Variants in PCDHGB3 observed in about 807,000 individuals in gnomAD.
The protein encoded by PCDHGB3 is protocadherin gamma subfamily B, 3.
A neutral mutation model predicts 59.2 loss-of-function variants in PCDHGB3; 40 were observed. The ratio of observed to expected loss-of-function variants is 0.68; its 90% CI spans 0.52 to 0.88. The LOEUF (loss-of-function observed/expected upper bound fraction) is 0.88, where lower values mean the gene tolerates loss of function less well. PCDHGB3 is among the 40% of genes least tolerant of loss of function. PCDHGB3 has a pLI of 0.00. For synonymous variants in PCDHGB3, 581 were observed against 503.6 expected (o/e 1.15, Z -2.06); for missense variants, 1,309 against 1,187.9 (o/e 1.10, Z -1.50).
rs578223384 is a variant in PCDHGB3 at position 141,400,070 on chromosome 5, C to T, written c.2415+27261C>T. Reference sequence around the variant, plus strand: ...GTTGCTGTGCGTGATGGTGGACAGCCGCCACTCTCCGCCACCGCCACGCTG... The same window carrying T: ...GTTGCTGTGCGTGATGGTGGACAGCTGCCACTCTCCGCCACCGCCACGCTG... On this transcript the variant is annotated intron_variant, in intron 1 of 3. Coordinates refer to ENST00000576222, the MANE Select transcript of PCDHGB3 (RefSeq NM_018924.5). 1.2e-6 allele frequency: 2 copies of T among 1,613,922 alleles called. No individual in the cohort carries two copies. Among genetic ancestry groups the T allele is most frequent in the African/African-American group, 1.3e-5 (1 of 75,062 alleles).
intron 1 of PCDHGB3, chr5:141,415,014 C>T (rs747951360): frequency 1.2e-6 from 2 of 1,613,620 alleles, no homozygotes; most frequent in Non-Finnish European, 1.7e-6. Context: ...ACCGTCTGCT[C>T]AAGGCCAGCG....
At chr5:141,397,254 A>G (rs961705126) in intron 1 of PCDHGB3, among the ~76,000 whole-genome samples, 12 of 152,184 alleles carry the variant, frequency 7.9e-5, no homozygotes, top group Non-Finnish European at 1.3e-4. Flanking sequence ...AGGGTATATC[A>G]TTTCTTAGCT....
chr5:141,457,944 C>A (rs761151349), intron 1 of PCDHGB3, among the ~76,000 whole-genome samples: 33 of 152,310 alleles, frequency 2.2e-4, no homozygotes, highest in Non-Finnish European at 4.6e-4. Context: ...ATTGGCTCTG[C>A]ATGTCAAGCT....
chr5:141,486,816 C>G lies in PCDHGB3; in HGVS notation c.2416-7991C>G. The G allele has an allele frequency of 6.2e-7, 1 of 1,614,252 alleles. No individual in the cohort carries two copies. Among genetic ancestry groups the G allele is most frequent in the East Asian group, 2.2e-5 (1 of 44,884 alleles). ...CGGGGCAACCCACCCCTTAGCAGCACTGTAACAGTTCGTCTATTTGTGCTG... is the reference window on the plus strand; with the variant it reads ...CGGGGCAACCCACCCCTTAGCAGCAGTGTAACAGTTCGTCTATTTGTGCTG... On this transcript the variant is annotated intron_variant, in intron 1 of 3. Coordinates refer to ENST00000576222, the MANE Select transcript of PCDHGB3 (RefSeq NM_018924.5). The surrounding 1 kb of genome is among the most constrained non-coding windows in gnomAD (Gnocchi z 5.0).
At chr5:141,415,655 T>C (rs780357843) in intron 1 of PCDHGB3, 50 of 1,586,718 alleles carry the variant, frequency 3.2e-5, no homozygotes, top group Non-Finnish European at 4.0e-5. Flanking sequence ...AAAAAAAAGA[T>C]TGGTTTTTAC....
Position 141,432,220 on chromosome 5 carries a change from C to T in PCDHGB3, c.2415+59411C>T. The T allele has an allele frequency of 6.2e-7, 1 of 1,614,246 alleles. No homozygotes were observed. Among genetic ancestry groups the T allele is most frequent in the Non-Finnish European group, 8.5e-7 (1 of 1,180,040 alleles). Reference sequence around the variant, plus strand: ...CCGACTGTGAAGAGAACGCCCAGATCACTTATTCCCTGGCTGAGAACACCA... The same window carrying T: ...CCGACTGTGAAGAGAACGCCCAGATTACTTATTCCCTGGCTGAGAACACCA... On this transcript the variant is annotated intron_variant, in intron 1 of 3. Coordinates refer to ENST00000576222, the MANE Select transcript of PCDHGB3 (RefSeq NM_018924.5). The surrounding 1 kb of genome is among the most constrained non-coding windows in gnomAD (Gnocchi z 6.0).
chr5:141,421,885 G>A (rs2096608692), intron 1 of PCDHGB3: 1 of 1,613,574 alleles, frequency 6.2e-7, no homozygotes, highest in African/African-American at 1.3e-5. Context: ...AGATGGAGGC[G>A]ATCCCATCCG....
intron 1 of PCDHGB3, among the ~76,000 whole-genome samples, chr5:141,451,727 C>A (rs2098722766): frequency 6.6e-6 from 1 of 152,014 alleles, no homozygotes; most frequent in Admixed American, 6.6e-5. Flanking sequence ...ACTAAAAATA[C>A]AAAAATTAGC....
At chr5:141,380,806 A>G (rs1175015074) in intron 1 of PCDHGB3, among the ~76,000 whole-genome samples, 1 of 152,258 alleles carries the variant, frequency 6.6e-6, no homozygotes, top group Non-Finnish European at 1.5e-5. Context: ...AACAAATGTG[A>G]GATGAAACTA....
At position 141,486,882 on chromosome 5, in the gene PCDHGB3, C is replaced by T; in HGVS notation, c.2416-7925C>T. The T allele has an allele frequency of 6.2e-7, 1 of 1,614,244 alleles. No individual in the cohort carries two copies. The highest frequency in any genetic ancestry group is 1.1e-5 in the South Asian group (1 of 91,086). On this transcript the variant is annotated intron_variant, in intron 1 of 3. Transcript: ENST00000576222. This position sits in a 1 kb window ranked among gnomAD's most constrained non-coding sequence, Gnocchi z 5.0. ...GCTCCAGCTGTGCTCCGTCCTCGGG[C>T]CCGGCCTGGTTCCTTATGTCCCCAA...
chr5:141,415,594 G>A (rs753362668), intron 1 of PCDHGB3: 1 of 1,613,866 alleles, frequency 6.2e-7, no homozygotes, highest in Non-Finnish European at 8.5e-7. Context: ...TCCTATAGAG[G>A]ATACCCCATT....
intron 1 of PCDHGB3, chr5:141,390,297 G>A (rs1313373310): frequency 6.2e-7 from 1 of 1,613,826 alleles, no homozygotes; most frequent in East Asian, 2.2e-5. Context: ...TTTCCTTTAA[G>A]TATAATTTAA....
chr5:141,476,554 G>A lies in PCDHGB3; in HGVS notation c.2416-18253G>A. On this transcript the variant is annotated intron_variant, in intron 1 of 3. Transcript: ENST00000576222. This position sits in a 1 kb window ranked among gnomAD's most constrained non-coding sequence, Gnocchi z 7.6. The stretch of plus-strand genomic sequence containing the variant: ...AGGAAATGAAATTGGAGATTAGCGA[G>A]GCCGTGGCTCCGGGGACGCGCTTTC... 1 of 1,614,232 alleles carries A rather than the reference G, an allele frequency of 6.2e-7. No individual in the cohort carries two copies. Among genetic ancestry groups the A allele is most frequent in the Non-Finnish European group, 8.5e-7 (1 of 1,180,036 alleles).
chr5:141,485,666 A>G lies in PCDHGB3; in HGVS notation c.2416-9141A>G. ...GGCTCAGGATGCAGATGTGGGGAGC[A>G]ATTCGATTAGCAGCTATAGGCTGAG... On this transcript the variant is annotated intron_variant, in intron 1 of 3. Coordinates refer to ENST00000576222, the MANE Select transcript of PCDHGB3 (RefSeq NM_018924.5). The surrounding 1 kb of genome is among the most constrained non-coding windows in gnomAD (Gnocchi z 5.7). 1 of 1,612,786 alleles carries G rather than the reference A, an allele frequency of 6.2e-7. No homozygotes were observed. Among genetic ancestry groups the G allele is most frequent in the Non-Finnish European group, 8.5e-7 (1 of 1,178,960 alleles).
Position 141,486,904 on chromosome 5 carries a change from C to G in PCDHGB3, c.2416-7903C>G. On this transcript the variant is annotated intron_variant, in intron 1 of 3. Transcript: ENST00000576222. This position sits in a 1 kb window ranked among gnomAD's most constrained non-coding sequence, Gnocchi z 5.0. The stretch of plus-strand genomic sequence containing the variant: ...GGGCCCGGCCTGGTTCCTTATGTCC[C>G]CAAGCACTGCCTCCATCAGTTGGTG... 6.2e-7 allele frequency: 1 copy of G among 1,614,226 alleles called. No individual in the cohort carries two copies. The highest frequency in any genetic ancestry group is 1.1e-5 in the South Asian group (1 of 91,080).
intron 1 of PCDHGB3, chr5:141,421,360 T>G (rs549572548): frequency 6.2e-7 from 1 of 1,613,980 alleles, no homozygotes; most frequent in African/African-American, 1.3e-5. Context: ...AAAGGGCTCC[T>G]TCGTGGGCAA....
intron 1 of PCDHGB3, chr5:141,418,372 A>G (rs771262387): frequency 3.1e-6 from 5 of 1,613,968 alleles, no homozygotes; most frequent in Non-Finnish European, 3.4e-6. Context: ...GCAAATACCA[A>G]CTAAGTCCTA....
chr5:141,394,009 GTAA>G, intron 1 of PCDHGB3: 1 of 1,613,394 alleles, frequency 6.2e-7, no homozygotes, highest in Non-Finnish European at 8.5e-7. Flanking sequence ...AAGTCAATAG[GTAA>G]TTATTATAGA....
intron 1 of PCDHGB3, among the ~76,000 whole-genome samples, chr5:141,447,728 A>G (rs2098549955): frequency 6.6e-6 from 1 of 152,204 alleles, no homozygotes; most frequent in Non-Finnish European, 1.5e-5. Flanking sequence ...TCCAAAACTC[A>G]TTGAACTTAA....
Sources: gnomAD v4.1 joint callset for allele counts (sites outside exome capture counted in the v4.1 genomes callset) on GRCh38, gnomAD v4.1.1 for gene constraint, Gnocchi (gnomAD v3.1) non-coding constraint, MANE v1.5 for transcripts, NCBI Gene and HGNC (gene_info 2026-07-23, HGNC 2026-07-21) for gene names.